Variants in INSL6 observed in about 807,000 individuals in gnomAD.
INSL6 encodes insulin-like peptide INSL6.
A neutral mutation model predicts 9.4 loss-of-function variants in INSL6; 16 were observed. That is an observed-to-expected ratio of 1.70 (90% confidence interval 1.15 to 2.59). INSL6 has a LOEUF of 2.59. Ranked by LOEUF, INSL6 falls within the 30% of genes most tolerant of loss-of-function variation. The pLI, the probability that INSL6 is intolerant of heterozygous loss-of-function variation, is 0.00. For missense variants in INSL6, 391 were observed against 257.3 expected, an observed-to-expected ratio of 1.52 and a Z score of -3.56; for synonymous variants, 154 against 96.9, an observed-to-expected ratio of 1.59 and a Z score of -3.46.
At chr9:4,999,684 G>T in the INSL6 span, among the ~76,000 whole-genome samples, 4 of 151,990 alleles carry the variant, frequency 2.6e-5, no homozygotes, top group African/African-American at 9.7e-5. Flanking sequence ...AAGCGTCTTG[G>T]CTAATCCACC....
chr9:5,178,349 C>G (rs1285139594), intron 1 of INSL6, among the ~76,000 whole-genome samples: 3 of 152,158 alleles, frequency 2.0e-5, no homozygotes, highest in Non-Finnish European at 2.9e-5. Context: ...CTCAGCTGTT[C>G]CAGCTTGCTG....
At chr9:5,046,907 C>T in the INSL6 span, among the ~76,000 whole-genome samples, 75 of 152,096 alleles carry the variant, frequency 4.9e-4, no homozygotes, top group Admixed American at 4.8e-3. Flanking sequence ...CATTTATAAG[C>T]CAAGTTTTCC....
At chr9:5,101,255 A>G in the INSL6 span, among the ~76,000 whole-genome samples, 54 of 152,356 alleles carry the variant, frequency 3.5e-4, no homozygotes, top group African/African-American at 1.3e-3. Context: ...GGCAGGTCCC[A>G]CACCCACGGA....
At chr9:5,042,415 G>T in the INSL6 span, among the ~76,000 whole-genome samples, 1 of 152,100 alleles carries the variant, frequency 6.6e-6, no homozygotes, top group Non-Finnish European at 1.5e-5. Context: ...GGGATTACAG[G>T]CGTGAGCCAC....
chr9:5,102,958 C>T, the INSL6 span, among the ~76,000 whole-genome samples: 1 of 151,934 alleles, frequency 6.6e-6, no homozygotes, highest in Admixed American at 6.6e-5. Flanking sequence ...TTGTAAAGAC[C>T]ATCGATGATA....
the INSL6 span, among the ~76,000 whole-genome samples, chr9:5,038,344 C>T: frequency 2.6e-5 from 4 of 152,172 alleles, no homozygotes; most frequent in South Asian, 8.3e-4. Flanking sequence ...CTTGTGAATT[C>T]TATCACACAT....
chr9:4,998,381 C>G, the INSL6 span, among the ~76,000 whole-genome samples: 4 of 152,014 alleles, frequency 2.6e-5, no homozygotes, highest in African/African-American at 7.2e-5. Flanking sequence ...CTCAGCCTCC[C>G]GAGTAACTGG....
Position 5,155,478 on chromosome 9 carries a change from A to T in INSL6, c.376+8701T>A, listed in dbSNP as rs144733452. ...TACCCTAAAACTTAAAGTATAATTT[A>T]AAAAAAAAACCTGGAGGTACCTAGC... On this transcript the variant is annotated intron_variant, in intron 2 of 3. Transcript: ENST00000649639. 7.0e-3 allele frequency among the ~76,000 whole-genome samples: 1,027 copies of T among 147,456 alleles called. 8 individuals carry two copies. The highest frequency in any genetic ancestry group is 0.024 in the African/African-American group (945 of 38,950).
At chr9:5,057,077 T>C in the INSL6 span, among the ~76,000 whole-genome samples, 2 of 152,182 alleles carry the variant, frequency 1.3e-5, no homozygotes, top group African/African-American at 4.8e-5. Context: ...AAATTTTTTA[T>C]TTTAGGGATA....
chr9:5,057,381 T>C, the INSL6 span, among the ~76,000 whole-genome samples: 7 of 152,168 alleles, frequency 4.6e-5, no homozygotes, highest in Admixed American at 1.3e-4. Context: ...TTTCTCTTTA[T>C]AATTTTGGTA....
the INSL6 span, chr9:5,090,395 A>C: frequency 7.8e-7 from 1 of 1,280,686 alleles, no homozygotes; most frequent in East Asian, 2.6e-5. Context: ...CTAATATTTA[A>C]TCAGTATAAT....
chr9:5,127,122 A>G, intron 3 of INSL6: 1 of 267,356 alleles, frequency 3.7e-6, no homozygotes, highest in Non-Finnish European at 7.2e-6. Flanking sequence ...TATTATGTAA[A>G]TTTTGCAATG....
chr9:5,180,232 T>G, intron 1 of INSL6, among the ~76,000 whole-genome samples: 1 of 152,228 alleles, frequency 6.6e-6, no homozygotes, highest in East Asian at 1.9e-4. Context: ...TGAGGATGTA[T>G]GTCACCTCAG....
chr9:5,148,173 T>G (rs925281826), intron 2 of INSL6, among the ~76,000 whole-genome samples: 6 of 152,206 alleles, frequency 3.9e-5, no homozygotes, highest in African/African-American at 1.4e-4. Context: ...TGGTATTCCT[T>G]CAATTGTGGT....
chr9:5,019,285 C>G, the INSL6 span, among the ~76,000 whole-genome samples: 1 of 152,040 alleles, frequency 6.6e-6, no homozygotes, highest in South Asian at 2.1e-4. Flanking sequence ...TTTCAGAAGA[C>G]CTGTCTTCAA....
At chr9:5,033,782 A>T in the INSL6 span, among the ~76,000 whole-genome samples, 2 of 152,210 alleles carry the variant, frequency 1.3e-5, no homozygotes, top group African/African-American at 4.8e-5. Context: ...GCCACTGCAA[A>T]AACACGCCAA....
intron 1 of INSL6, among the ~76,000 whole-genome samples, chr9:5,177,513 A>T (rs1825338131): frequency 1.3e-5 from 2 of 152,202 alleles, no homozygotes; most frequent in African/African-American, 4.8e-5. Flanking sequence ...GCACACAATG[A>T]GGCCCAGGAG....
intron 2 of INSL6, among the ~76,000 whole-genome samples, chr9:5,150,719 T>C (rs1401815357): frequency 6.6e-6 from 1 of 152,154 alleles, no homozygotes; most frequent in Admixed American, 6.5e-5. Context: ...CACTACTGCA[T>C]GTCTACCTAA....
chr9:5,183,223 A>G (rs544922312), intron 1 of INSL6, among the ~76,000 whole-genome samples: 4 of 152,330 alleles, frequency 2.6e-5, no homozygotes, highest in African/African-American at 9.6e-5. Context: ...ATAGATTAAT[A>G]ATTTTTAAAA....
Sources: allele counts gnomAD v4.1 joint callset (sites outside exome capture counted in the v4.1 genomes callset), GRCh38; gene constraint gnomAD v4.1.1; transcripts MANE v1.5; gene names NCBI Gene and HGNC (gene_info 2026-07-23, HGNC 2026-07-21).